Variants in ACYP2 observed in about 807,000 individuals in gnomAD.
ACYP2 encodes acylphosphatase 2.
ACYP2 carries 12 observed loss-of-function variants against 11.2 expected under a neutral mutation model. The observed-to-expected ratio is 1.08, with a 90% confidence interval of 0.69 to 1.74. The LOEUF is 1.74. Among genes scored for constraint, ACYP2 ranks in the 40% most tolerant of loss-of-function variants. The pLI, the probability that ACYP2 is intolerant of heterozygous loss-of-function variation, is 0.00. For synonymous variants in ACYP2, 43 were observed against 32.2 expected, an observed-to-expected ratio of 1.33 and a Z score of -1.13; for missense variants, 134 against 101.9, an observed-to-expected ratio of 1.31 and a Z score of -1.35.
intron 4 of ACYP2, among the ~76,000 whole-genome samples, chr2:54,104,071 G>T (rs973485719): frequency 1.6e-4 from 24 of 152,176 alleles, no homozygotes; most frequent in African/African-American, 5.1e-4. Flanking sequence ...GTGTAACTGT[G>T]GGTACTGCCT....
intron 4 of ACYP2, among the ~76,000 whole-genome samples, chr2:54,058,707 TA>T (rs1676297934): frequency 7.7e-6 from 1 of 130,426 alleles, no homozygotes; most frequent in Admixed American, 8.3e-5. Flanking sequence ...TTCTGGCTGA[TA>T]ATTTTTTTTT....
chr2:54,005,899 C>G (rs1673040077), intron 2 of ACYP2, among the ~76,000 whole-genome samples: 1 of 152,138 alleles, frequency 6.6e-6, no homozygotes, highest in Admixed American at 6.5e-5. Context: ...TGCATTAAAT[C>G]TATAGATCAA....
intron 4 of ACYP2, among the ~76,000 whole-genome samples, chr2:54,112,440 C>G (rs1281300118): frequency 8.1e-6 from 1 of 123,588 alleles, no homozygotes; most frequent in Admixed American, 8.4e-5. Context: ...CTTCGAAAAA[C>G]AGTTTGGCAA....
At chr2:54,019,821 T>C (rs1673907493) in intron 2 of ACYP2, among the ~76,000 whole-genome samples, 1 of 151,418 alleles carries the variant, frequency 6.6e-6, no homozygotes, top group African/African-American at 2.4e-5. Context: ...GGTTTTACCA[T>C]GTTGATCAGG....
intron 2 of ACYP2, among the ~76,000 whole-genome samples, chr2:54,013,986 C>T (rs1558471895): frequency 6.6e-6 from 1 of 151,966 alleles, no homozygotes; most frequent in Admixed American, 6.6e-5. Flanking sequence ...GGTGAAGCCC[C>T]TTCTCCACTA....
intron 2 of ACYP2, among the ~76,000 whole-genome samples, chr2:54,006,424 G>A (rs985469914): frequency 1.3e-5 from 2 of 152,220 alleles, no homozygotes; most frequent in African/African-American, 4.8e-5. Flanking sequence ...TGGGATTACA[G>A]GCATGAGCCA....
chr2:54,015,856 G>T (rs1451573479), intron 2 of ACYP2, among the ~76,000 whole-genome samples: 1 of 151,970 alleles, frequency 6.6e-6, no homozygotes, highest in Non-Finnish European at 1.5e-5. Flanking sequence ...GAGAGATGGG[G>T]TTTTGTTATG....
intron 6 of ACYP2, among the ~76,000 whole-genome samples, chr2:54,196,879 G>T (rs891252279): frequency 2.6e-5 from 4 of 152,338 alleles, no homozygotes; most frequent in South Asian, 4.1e-4. Flanking sequence ...AGTGTTGCTT[G>T]AACTGTTGCT....
intron 6 of ACYP2, among the ~76,000 whole-genome samples, chr2:54,184,576 C>T (rs952096848): frequency 1.3e-5 from 2 of 151,880 alleles, no homozygotes; most frequent in Non-Finnish European, 2.9e-5. Flanking sequence ...AAATAAGATA[C>T]CATTCATGGT....
At chr2:53,992,832 A>AG (rs1193534266) in intron 2 of ACYP2, among the ~76,000 whole-genome samples, 5 of 147,992 alleles carry the variant, frequency 3.4e-5, no homozygotes, top group Non-Finnish European at 4.5e-5. Context: ...CTCCATCTCA[A>AG]AAAAAAAAAA....
At chr2:54,304,177 C>A (rs1484459912) in intron 6 of ACYP2, among the ~76,000 whole-genome samples, 2 of 150,674 alleles carry the variant, frequency 1.3e-5, no homozygotes, top group Non-Finnish European at 3.0e-5. Context: ...TATGTTTCTT[C>A]TTTATTCTTT....
intron 6 of ACYP2, among the ~76,000 whole-genome samples, chr2:54,276,619 T>TCACACACACACACACACAAACA (rs367645786): frequency 9.3e-4 from 136 of 146,214 alleles, no homozygotes; most frequent in African/African-American, 3.4e-3. Context: ...GATTGTTCTT[T>TCACACACACACACACACAAACA]CACACACACA....
intron 4 of ACYP2, among the ~76,000 whole-genome samples, chr2:54,121,068 A>G (rs765349244): frequency 3.9e-5 from 6 of 152,142 alleles, no homozygotes; most frequent in Non-Finnish European, 8.8e-5. Flanking sequence ...CATATGTTAC[A>G]GCTCTTTTTG....
At chr2:54,130,412 C>T (rs1426021165) in intron 4 of ACYP2, among the ~76,000 whole-genome samples, 2 of 152,142 alleles carry the variant, frequency 1.3e-5, no homozygotes, top group Non-Finnish European at 2.9e-5. Flanking sequence ...AATTAGGGGG[C>T]TGTGGCAACC....
chr2:54,117,694 T>C (rs1558541113), intron 4 of ACYP2, among the ~76,000 whole-genome samples: 1 of 152,230 alleles, frequency 6.6e-6, no homozygotes, highest in Non-Finnish European at 1.5e-5. Flanking sequence ...TTTTACACTT[T>C]GGTGCAGTGT....
At chr2:54,266,694 C>T (rs1177878812) in intron 6 of ACYP2, among the ~76,000 whole-genome samples, 1 of 141,872 alleles carries the variant, frequency 7.0e-6, no homozygotes, top group Non-Finnish European at 1.5e-5. Context: ...CAAGCTCCGC[C>T]GTCCGGGTTC....
At chr2:54,105,474 AATTT>A (rs1421436299) in intron 4 of ACYP2, among the ~76,000 whole-genome samples, 1 of 151,828 alleles carries the variant, frequency 6.6e-6, no homozygotes. Flanking sequence ...AAATTTTTTA[AATTT>A]ATTTATTTAT....
intron 6 of ACYP2, among the ~76,000 whole-genome samples, chr2:54,153,852 G>C (rs764988419): frequency 1.1e-4 from 17 of 151,926 alleles, no homozygotes; most frequent in African/African-American, 3.9e-4. Flanking sequence ...TGCCTGCCTC[G>C]GCCTCCCAAA....
At chr2:54,252,765 G>A (rs1163289318) in intron 6 of ACYP2, among the ~76,000 whole-genome samples, 2 of 152,196 alleles carry the variant, frequency 1.3e-5, no homozygotes, top group South Asian at 2.1e-4. Context: ...TTAGCCGGGC[G>A]TGGTTGCGGG....
Sources: allele counts gnomAD v4.1 joint callset (sites outside exome capture counted in the v4.1 genomes callset), GRCh38; gene constraint gnomAD v4.1.1; transcripts MANE v1.5; gene names NCBI Gene and HGNC (gene_info 2026-07-23, HGNC 2026-07-21).